Variants in CAMK1D observed in about 807,000 individuals in gnomAD.
CAMK1D encodes calcium/calmodulin-dependent protein kinase type 1D.
In CAMK1D, 9 loss-of-function variants were observed where a neutral mutation model predicts 47.7. The observed-to-expected ratio is 0.19, with a 90% CI of 0.11 to 0.33. The LOEUF (loss-of-function observed/expected upper bound fraction) is 0.33, where lower values mean the gene tolerates loss of function less well. Ranked by LOEUF, CAMK1D falls within the 10% of genes least tolerant of loss-of-function variation. The pLI, the probability that CAMK1D is intolerant of heterozygous loss-of-function variation, is 1.00. For missense variants in CAMK1D, 291 were observed against 488.7 expected, an observed-to-expected ratio of 0.60 and a Z score of 3.81; for synonymous variants, 184 against 184.9, an observed-to-expected ratio of 0.99 and a Z score of 0.04.
At chr10:12,391,033 A>G (rs1456421388) in intron 1 of CAMK1D, among the ~76,000 whole-genome samples, 7 of 152,162 alleles carry the variant, frequency 4.6e-5, no homozygotes, top group Non-Finnish European at 1.0e-4. Context: ...AGTTCTGGCA[A>G]AAACTCCAGA....
intron 3 of CAMK1D, among the ~76,000 whole-genome samples, chr10:12,698,224 A>G (rs1833372786): frequency 6.6e-6 from 1 of 152,208 alleles, no homozygotes; most frequent in Admixed American, 6.5e-5. Context: ...GATGCAAAAT[A>G]GTTGTTCATG....
intron 1 of CAMK1D, among the ~76,000 whole-genome samples, chr10:12,428,175 C>T (rs951189640): frequency 6.6e-6 from 1 of 152,056 alleles, no homozygotes; most frequent in Non-Finnish European, 1.5e-5. Flanking sequence ...CTCCCCTATC[C>T]CGCCATCCCC....
intron 1 of CAMK1D, among the ~76,000 whole-genome samples, chr10:12,441,652 A>C (rs927249635): frequency 6.7e-6 from 1 of 150,308 alleles, no homozygotes; most frequent in African/African-American, 2.4e-5. Context: ...GCCTCTACTT[A>C]AAAAAAAAAT....
In CAMK1D at chr10:12,502,192, G is replaced by A. The variant is rs573948789; in HGVS notation, c.93-51033G>A. ...CTGGACCGAAGGAATGAGAGACATC[G>A]CAGACCGTGGGCTGAGTGATGCTGT... On this transcript the variant is annotated intron_variant, in intron 1 of 10. Coordinates refer to ENST00000619168, the MANE Select transcript of CAMK1D (RefSeq NM_153498.4). Among the ~76,000 whole-genome samples, 2 of 152,286 alleles carry A rather than the reference G, an allele frequency of 1.3e-5. 1 individual carries two copies. The highest frequency in any genetic ancestry group is 4.1e-4 in the South Asian group (2 of 4,826).
At chr10:12,667,770 A>G (rs1266001733) in intron 3 of CAMK1D, among the ~76,000 whole-genome samples, 2 of 152,216 alleles carry the variant, frequency 1.3e-5, no homozygotes, top group Non-Finnish European at 2.9e-5. Context: ...TTTCTTTTCC[A>G]TAGATTTTTC....
intron 4 of CAMK1D, among the ~76,000 whole-genome samples, chr10:12,766,196 C>T (rs1033626890): frequency 7.9e-5 from 12 of 151,734 alleles, no homozygotes; most frequent in East Asian, 5.8e-4. Flanking sequence ...AACTCCTGAC[C>T]TCAGGTGATC....
intron 1 of CAMK1D, among the ~76,000 whole-genome samples, chr10:12,408,306 C>T (rs1333758894): frequency 2.6e-5 from 4 of 152,064 alleles, no homozygotes; most frequent in Admixed American, 6.6e-5. Flanking sequence ...GGACTACAGG[C>T]GCCCGCTACC....
chr10:12,364,912 C>A (rs549932631), intron 1 of CAMK1D, among the ~76,000 whole-genome samples: 2 of 152,006 alleles, frequency 1.3e-5, no homozygotes, highest in Admixed American at 6.6e-5. Context: ...GGTTTGAGTC[C>A]CAGCTCTGCC....
intron 1 of CAMK1D, among the ~76,000 whole-genome samples, chr10:12,402,806 C>T (rs940694313): frequency 1.3e-5 from 2 of 151,936 alleles, no homozygotes; most frequent in Admixed American, 6.6e-5. Flanking sequence ...GAAGGGCTAA[C>T]AGGTCTCCTG....
chr10:12,464,156 CAATA>C (rs1334902579), intron 1 of CAMK1D, among the ~76,000 whole-genome samples: 2 of 152,160 alleles, frequency 1.3e-5, no homozygotes, highest in African/African-American at 2.4e-5. Flanking sequence ...TATCTCAAAA[CAATA>C]AATAAAAGCT....
chr10:12,413,088 A>G (rs1045415618), intron 1 of CAMK1D, among the ~76,000 whole-genome samples: 8 of 152,160 alleles, frequency 5.3e-5, no homozygotes, highest in Non-Finnish European at 1.2e-4. Context: ...GTAATTGATC[A>G]AGAAAAGAGG....
In CAMK1D at chr10:12,435,783, G is replaced by A. The variant is rs189860525; in HGVS notation, c.92+85873G>A. On this transcript the variant is annotated intron_variant, in intron 1 of 10. Coordinates refer to ENST00000619168, the MANE Select transcript of CAMK1D (RefSeq NM_153498.4). ...AGGGAATGCAGTTTTAGAACTCAGC[G>A]GTGAGCTCTTTGAATGCTGGTCCAA... Among the ~76,000 whole-genome samples the A allele has an allele frequency of 5.3e-5, 8 of 152,308 alleles. No individual in the cohort carries two copies. The East Asian group carries it at 7.7e-4, about 15-fold the overall frequency.
At chr10:12,566,108 G>C (rs1409021649) in intron 2 of CAMK1D, among the ~76,000 whole-genome samples, 1 of 152,142 alleles carries the variant, frequency 6.6e-6, no homozygotes, top group East Asian at 1.9e-4. Context: ...GATGATAATA[G>C]TATCTGCCTC....
intron 3 of CAMK1D, among the ~76,000 whole-genome samples, chr10:12,686,080 TG>T (rs1832650338): frequency 6.6e-6 from 1 of 152,168 alleles, no homozygotes; most frequent in Non-Finnish European, 1.5e-5. Context: ...ACCTACCAGC[TG>T]GAACAGCAGT....
intron 1 of CAMK1D, among the ~76,000 whole-genome samples, chr10:12,530,890 C>G (rs1351174427): frequency 6.6e-6 from 1 of 151,968 alleles, no homozygotes; most frequent in Non-Finnish European, 1.5e-5. Context: ...AACCCTGTCT[C>G]TACTAAAAAT....
At chr10:12,391,996 C>T (rs1215991687) in intron 1 of CAMK1D, among the ~76,000 whole-genome samples, 1 of 150,394 alleles carries the variant, frequency 6.6e-6, no homozygotes, top group Non-Finnish European at 1.5e-5. Flanking sequence ...CACACACACA[C>T]ACACACACAC....
intron 3 of CAMK1D, among the ~76,000 whole-genome samples, chr10:12,677,286 G>A (rs550478263): frequency 1.3e-5 from 2 of 152,182 alleles, no homozygotes; most frequent in Admixed American, 6.5e-5. Flanking sequence ...AAGTAGCCAA[G>A]CATAATAACG....
chr10:12,602,532 C>T (rs1838333324), intron 2 of CAMK1D, among the ~76,000 whole-genome samples: 1 of 152,146 alleles, frequency 6.6e-6, no homozygotes, highest in African/African-American at 2.4e-5. Flanking sequence ...TGGGACAGAG[C>T]ACAGGGTGTG....
At chr10:12,799,106 C>T (rs1266561198) in intron 6 of CAMK1D, among the ~76,000 whole-genome samples, 2 of 152,122 alleles carry the variant, frequency 1.3e-5, no homozygotes, top group Non-Finnish European at 2.9e-5. Context: ...CAGGGAAACC[C>T]TGGAGGACAC....
Sources: gnomAD v4.1 joint callset for allele counts (sites outside exome capture counted in the v4.1 genomes callset) on GRCh38, gnomAD v4.1.1 for gene constraint, MANE v1.5 for transcripts, NCBI Gene and HGNC (gene_info 2026-07-23, HGNC 2026-07-21) for gene names.